The following NAALADL2 variants were observed in gnomAD, a reference collection of about 807,000 sequenced individuals.
The protein encoded by NAALADL2 is N-acetylated alpha-linked acidic dipeptidase like 2, also known as inactive N-acetylated-alpha-linked acidic dipeptidase-like protein 2.
Under a neutral mutation model 87.2 loss-of-function variants are expected in NAALADL2, and 76 were observed. That is an observed-to-expected ratio of 0.87 (90% CI 0.72 to 1.05). The LOEUF (loss-of-function observed/expected upper bound fraction) is 1.05, where lower values mean the gene tolerates loss of function less well. Among genes scored for constraint, NAALADL2 ranks in the 50% least tolerant of loss-of-function variants. The pLI is 0.00. For missense variants in NAALADL2, 1,089 were observed against 945.8 expected (o/e 1.15, Z -1.99); for synonymous variants, 354 against 331.0 (o/e 1.07, Z -0.75).
chr3:174,516,386 G>A (rs1719936363), intron 1 of NAALADL2, among the ~76,000 whole-genome samples: 3 of 151,914 alleles, frequency 2.0e-5, no homozygotes, highest in Admixed American at 2.0e-4. Context: ...CTGTCTTGGG[G>A]GAGTAAGGAG....
At position 174,519,320 on chromosome 3, in the gene NAALADL2, G is replaced by A. The variant is rs374810949; in HGVS notation, c.-183-31249G>A. On this transcript the variant is annotated intron_variant, in intron 1 of 3. Transcript: ENST00000434257. ...TTTTTGAAACAAGTGAATGAATGAA[G>A]ATTTCCTTTTTTTTTTTTTTTTTTG... Among the ~76,000 whole-genome samples the A allele has an allele frequency of 4.8e-4, 69 of 144,732 alleles. 1 individual carries two copies. The East Asian group carries it at 9.7e-3, about 20-fold the overall frequency. The allele number at this position is 144,732 out of a possible 152,430, so 94.9% of individuals were successfully genotyped here.
intron 11 of NAALADL2, among the ~76,000 whole-genome samples, chr3:175,682,932 A>G (rs1582882752): frequency 6.6e-6 from 1 of 152,044 alleles, no homozygotes; most frequent in South Asian, 2.1e-4. Context: ...TTGGGGAAAC[A>G]TATAACAAAA....
intron 1 of NAALADL2, among the ~76,000 whole-genome samples, chr3:174,871,054 G>T (rs1727765196): frequency 6.6e-6 from 1 of 152,074 alleles, no homozygotes; most frequent in African/African-American, 2.4e-5. Context: ...AAGTAAATGG[G>T]TTCTACTAAA....
At chr3:175,256,576 T>C in intron 4 of NAALADL2, 46 bp downstream of exon 4, 1 of 1,582,976 alleles carries the variant, frequency 6.3e-7, no homozygotes, top group Non-Finnish European at 8.6e-7. Flanking sequence ...ATATTTTGCC[T>C]TGTTTTGTTG....
At chr3:175,281,220 C>A (rs908492089) in intron 4 of NAALADL2, among the ~76,000 whole-genome samples, 2 of 151,546 alleles carry the variant, frequency 1.3e-5, no homozygotes, top group African/African-American at 2.4e-5. Context: ...TATCTTCCGT[C>A]CATAATCCTG....
chr3:175,300,399 G>T (rs1756902983), intron 4 of NAALADL2, among the ~76,000 whole-genome samples: 1 of 152,162 alleles, frequency 6.6e-6, no homozygotes, highest in African/African-American at 2.4e-5. Context: ...GTAGAATTCA[G>T]CTGTGAATCC....
chr3:175,495,656 C>T (rs1582128696), intron 9 of NAALADL2, among the ~76,000 whole-genome samples: 1 of 152,078 alleles, frequency 6.6e-6, no homozygotes, highest in Non-Finnish European at 1.5e-5. Flanking sequence ...CACACTTTAT[C>T]GTCATTTCCT....
At chr3:174,573,294 G>T (rs1715140752) in intron 2 of NAALADL2, among the ~76,000 whole-genome samples, 1 of 151,946 alleles carries the variant, frequency 6.6e-6, no homozygotes, top group African/African-American at 2.4e-5. Context: ...TAGAGATATG[G>T]TCTTACTCTG....
chr3:175,710,483 C>T (rs1013792193), intron 11 of NAALADL2, among the ~76,000 whole-genome samples: 2 of 151,748 alleles, frequency 1.3e-5, no homozygotes, highest in Admixed American at 6.6e-5. Context: ...GAAGTTTCTA[C>T]AAGTGTCTAG....
In NAALADL2 at chr3:174,687,602, G is replaced by C. The variant is rs4414863; in HGVS notation, c.-114-50039G>C. ...GGTGAGAAGGGGGCAAAAATAAATC[G>C]ACAAGTGCAATAAAATAATTAGGAA... On this transcript the variant is annotated intron_variant, in intron 2 of 3. Coordinates refer to the NAALADL2 transcript ENST00000434257. 2.6e-5 allele frequency among the ~76,000 whole-genome samples: 4 copies of C among 152,098 alleles called. No homozygotes were observed. The South Asian group carries it at 6.2e-4, about 24-fold the overall frequency.
intron 3 of NAALADL2, among the ~76,000 whole-genome samples, chr3:174,756,836 G>A: frequency 6.6e-6 from 1 of 152,098 alleles, no homozygotes; most frequent in East Asian, 1.9e-4. Flanking sequence ...CTTTGCACAT[G>A]TTCTTCTTTC....
At chr3:175,316,890 TTAAG>T (rs1759212011) in intron 4 of NAALADL2, among the ~76,000 whole-genome samples, 1 of 152,114 alleles carries the variant, frequency 6.6e-6, no homozygotes, top group Non-Finnish European at 1.5e-5. Context: ...ATTTCTGAAA[TTAAG>T]TGTCTTTATT....
At chr3:174,962,422 T>TATATGTCATAGTGACTATGAC (rs1742234812) in intron 1 of NAALADL2, among the ~76,000 whole-genome samples, 2 of 144,414 alleles carry the variant, frequency 1.4e-5, no homozygotes, top group African/African-American at 5.1e-5. Context: ...CATATATATA[T>TATATGTCATAGTGACTATGAC]ATATATATAT....
chr3:174,622,834 A>G (rs1234618964), intron 2 of NAALADL2, among the ~76,000 whole-genome samples: 1 of 152,014 alleles, frequency 6.6e-6, no homozygotes, highest in Non-Finnish European at 1.5e-5. Context: ...AGGTCGGGAG[A>G]TGGAGACCAT....
chr3:175,323,313 G>T (rs1219682740), intron 4 of NAALADL2, among the ~76,000 whole-genome samples: 61 of 125,736 alleles, frequency 4.9e-4, no homozygotes, highest in African/African-American at 1.5e-3. Context: ...ACAGGAAGGG[G>T]AATATCACAC....
At chr3:174,908,773 A>G (rs1733303703) in intron 1 of NAALADL2, among the ~76,000 whole-genome samples, 1 of 152,178 alleles carries the variant, frequency 6.6e-6, no homozygotes, top group Non-Finnish European at 1.5e-5. Context: ...TTAAAAATTA[A>G]GAATTAAAAA....
At chr3:174,817,408 C>G (rs1209148624) in intron 3 of NAALADL2, among the ~76,000 whole-genome samples, 2 of 152,042 alleles carry the variant, frequency 1.3e-5, no homozygotes, top group Non-Finnish European at 1.5e-5. Context: ...TTAAGACCAC[C>G]CTGGGCAACA....
At chr3:175,704,304 G>A (rs1382523242) in intron 11 of NAALADL2, among the ~76,000 whole-genome samples, 9 of 152,086 alleles carry the variant, frequency 5.9e-5, no homozygotes. Context: ...CAGTACAAAC[G>A]TGGAAAGCCC....
intron 11 of NAALADL2, among the ~76,000 whole-genome samples, chr3:175,650,412 T>C (rs537894080): frequency 3.3e-5 from 5 of 152,282 alleles, no homozygotes; most frequent in African/African-American, 1.2e-4. Flanking sequence ...ATAGCTGGAT[T>C]GTGGAGTAGG....
Sources: gnomAD v4.1 joint callset for allele counts (sites outside exome capture counted in the v4.1 genomes callset) on GRCh38, gnomAD v4.1.1 for gene constraint, MANE v1.5 for transcripts, NCBI Gene and HGNC (gene_info 2026-07-23, HGNC 2026-07-21) for gene names.